Variants in MTCL1 observed in about 807,000 individuals in gnomAD.
The protein encoded by MTCL1 is microtubule cross-linking factor 1.
Under a neutral mutation model 141.4 loss-of-function variants are expected in MTCL1, and 79 were observed. That is an observed-to-expected ratio of 0.56 (90% CI 0.47 to 0.67). MTCL1 has a LOEUF of 0.67. Ranked by LOEUF, MTCL1 falls within the 30% of genes least tolerant of loss-of-function variation. The probability of loss-of-function intolerance (pLI) is 0.00; values close to 1 mark genes in which losing one functional copy is unlikely to be tolerated. For missense variants in MTCL1, 2,177 were observed against 2,113.9 expected, an observed-to-expected ratio of 1.03 and a Z score of -0.59; for synonymous variants, 914 against 875.8, an observed-to-expected ratio of 1.04 and a Z score of -0.77.
rs570459729 is a variant in MTCL1 at position 8,752,832 on chromosome 18, C to T, written c.358-25001C>T. Among the ~76,000 whole-genome samples, 27 of 152,260 alleles carry T rather than the reference C, an allele frequency of 1.8e-4. No individual in the cohort carries two copies. In the South Asian group the frequency reaches 5.6e-3, roughly 32 times the overall value. ...TATCCCCTGCCTCCAAGAGGAGTGA[C>T]ACAAGGTGGCTCTGGGCTTTGGACA... is the stretch of plus-strand genomic sequence containing the variant. On this transcript the variant is annotated intron_variant, in intron 4 of 16. Coordinates refer to ENST00000359865, the Ensembl canonical transcript of MTCL1.
At chr18:8,763,815 A>G (rs1945821714) in intron 4 of MTCL1, among the ~76,000 whole-genome samples, 2 of 152,184 alleles carry the variant, frequency 1.3e-5, no homozygotes, top group Non-Finnish European at 2.9e-5. Context: ...CACTTTTGCC[A>G]TTGGCTCTTG....
chr18:8,706,660 G>A, exon 1 of MTCL1: 2 of 1,546,370 alleles, frequency 1.3e-6, no homozygotes, highest in South Asian at 1.2e-5. Flanking sequence ...GGCGGAGGAA[G>A]AAGAGCTGCT....
At chr18:8,809,967 G>C (rs620010) in intron 11 of MTCL1, 158,807 of 160,060 alleles carry the variant, frequency 0.99, 78,797 homozygotes, top group Middle Eastern at 1. Context: ...TATTCATTTT[G>C]CAGAAATTAG....
chr18:8,762,511 G>A (rs578170893), intron 4 of MTCL1, among the ~76,000 whole-genome samples: 8 of 152,358 alleles, frequency 5.3e-5, no homozygotes, highest in African/African-American at 1.7e-4. Context: ...ATGAACAGTC[G>A]GGGTGATGGA....
rs1383774038 is a variant in MTCL1 at position 8,828,225 on chromosome 18, A to G, written c.4723-683A>G. Among the ~76,000 whole-genome samples, 1 of 152,144 alleles carries G rather than the reference A, an allele frequency of 6.6e-6. No individual in the cohort carries two copies. The highest frequency in any genetic ancestry group is 1.9e-4 in the East Asian group (1 of 5,196). On this transcript the variant is annotated intron_variant, in intron 15 of 16. Coordinates refer to ENST00000359865, the Ensembl canonical transcript of MTCL1. This position sits in a 1 kb window ranked among gnomAD's most constrained non-coding sequence, Gnocchi z 5.2. Reference sequence around the variant, plus strand: ...AGCCCACCCAGTGCGCTGTTGCGGAATCTTTCCCCGAATGTTCACTCAGGC... The same window carrying G: ...AGCCCACCCAGTGCGCTGTTGCGGAGTCTTTCCCCGAATGTTCACTCAGGC...
At chr18:8,759,345 G>A (rs1208961253) in intron 4 of MTCL1, among the ~76,000 whole-genome samples, 1 of 152,208 alleles carries the variant, frequency 6.6e-6, no homozygotes, top group Non-Finnish European at 1.5e-5. Context: ...TTGGTCACTA[G>A]CTGGTATCTG....
At chr18:8,808,190 G>T (rs2076366327) in intron 11 of MTCL1, among the ~76,000 whole-genome samples, 1 of 152,138 alleles carries the variant, frequency 6.6e-6, no homozygotes, top group South Asian at 2.1e-4. Context: ...GCTGCCCGCG[G>T]GGGATTTGAC....
chr18:8,828,960 A>T lies in MTCL1; in HGVS notation c.*14A>T. The stretch of plus-strand genomic sequence containing the variant: ...TGGGGACTCTAGCCCTGCCCGCCTC[A>T]CGCTGTAAGTGCTTCCTTCCTTGTT... On this transcript the variant is annotated 3_prime_UTR_variant, in exon 16 of 17. Transcript: ENST00000359865. This position sits in a 1 kb window ranked among gnomAD's most constrained non-coding sequence, Gnocchi z 5.2. 1 of 1,614,164 alleles carries T rather than the reference A, an allele frequency of 6.2e-7. No homozygotes were observed. The highest frequency in any genetic ancestry group is 8.5e-7 in the Non-Finnish European group (1 of 1,180,034).
intron 4 of MTCL1, among the ~76,000 whole-genome samples, chr18:8,722,448 CTAA>C (rs2096179644): frequency 6.6e-6 from 1 of 152,150 alleles, no homozygotes; most frequent in Admixed American, 6.5e-5. Context: ...CAAAACTTAA[CTAA>C]TAATAGCCTA....
intron 4 of MTCL1, among the ~76,000 whole-genome samples, chr18:8,724,403 C>T (rs1373634567): frequency 1.3e-5 from 2 of 152,132 alleles, no homozygotes; most frequent in African/African-American, 4.8e-5. Context: ...AAGAGCAAAA[C>T]TCCATCTTAA....
At chr18:8,825,988 C>T (rs745335148) in exon 15 of MTCL1, 12 of 1,599,652 alleles carry the variant, frequency 7.5e-6, no homozygotes, top group East Asian at 4.5e-5. Context: ...CGAGGAAGGT[C>T]GCCTAGCCCC....
chr18:8,820,326 C>T (rs1036413529), intron 13 of MTCL1, among the ~76,000 whole-genome samples: 2 of 152,008 alleles, frequency 1.3e-5, no homozygotes, highest in African/African-American at 4.8e-5. Context: ...AGGAGAATGG[C>T]GTGAACCCAG....
At chr18:8,713,836 A>G (rs1221455713), upstream of MTCL1, among the ~76,000 whole-genome samples, 2 of 152,126 alleles carry the variant, frequency 1.3e-5, no homozygotes, top group African/African-American at 2.4e-5. Context: ...CCAGCTACTC[A>G]GGAGGCTGAG....
chr18:8,774,059 T>A (rs1179748439), intron 4 of MTCL1, among the ~76,000 whole-genome samples: 1 of 152,200 alleles, frequency 6.6e-6, no homozygotes, highest in African/African-American at 2.4e-5. Context: ...AGTGCTCTAC[T>A]CCGCCCTCGC....
In MTCL1 at chr18:8,830,958, A is replaced by C; in HGVS notation, c.*19-649A>C. 2 of 985,886 alleles carry C rather than the reference A, an allele frequency of 2.0e-6. No individual in the cohort carries two copies. Among genetic ancestry groups the C allele is most frequent in the Non-Finnish European group, 2.4e-6 (2 of 830,300 alleles). 61.1% of individuals were successfully genotyped at this position (985,886 alleles called of 1,614,324 possible). A position where few individuals can be genotyped will look rare whatever the true frequency, so the allele number is the denominator to read the frequency against. On this transcript the variant is annotated intron_variant, in intron 16 of 16. Coordinates refer to ENST00000359865, the Ensembl canonical transcript of MTCL1. This position sits in a 1 kb window ranked among gnomAD's most constrained non-coding sequence, Gnocchi z 6.4. ...AACACAAAACCACCAGTACATTCTG[A>C]TTCTACCTTTTTAAAATGCTGCTGC...
At chr18:8,706,679 T>C in exon 1 of MTCL1, 3 of 1,546,254 alleles carry the variant, frequency 1.9e-6, no homozygotes, top group Non-Finnish European at 2.6e-6. Flanking sequence ...CTGCGGGAGA[T>C]GGAGGAGCTG....
At chr18:8,821,018 C>T (rs1450296049) in intron 13 of MTCL1, among the ~76,000 whole-genome samples, 2 of 152,208 alleles carry the variant, frequency 1.3e-5, no homozygotes, top group Non-Finnish European at 2.9e-5. Flanking sequence ...ACTTCTACAG[C>T]AAGATCGGGA....
chr18:8,808,834 G>A (rs1374078089), intron 11 of MTCL1, among the ~76,000 whole-genome samples: 4 of 152,218 alleles, frequency 2.6e-5, no homozygotes, highest in Non-Finnish European at 5.9e-5. Context: ...GGGGGACCTA[G>A]ACAAGTGCTG....
At chr18:8,718,544 A>T in exon 3 of MTCL1, 1 of 1,614,236 alleles carries the variant, frequency 6.2e-7, no homozygotes, top group Non-Finnish European at 8.5e-7. Flanking sequence ...AAACTGCCGA[A>T]TCCTGCAGTA....
Sources: allele counts gnomAD v4.1 joint callset (sites outside exome capture counted in the v4.1 genomes callset), GRCh38; gene constraint gnomAD v4.1.1; non-coding constraint Gnocchi (gnomAD v3.1); transcripts MANE v1.5; gene names NCBI Gene and HGNC (gene_info 2026-07-23, HGNC 2026-07-21).